Variants in RTN1 observed in about 807,000 individuals in gnomAD.
RTN1 encodes reticulon 1.
Under a neutral mutation model 65.5 loss-of-function variants are expected in RTN1, and 25 were observed. The observed-to-expected ratio is 0.38, with a 90% CI of 0.28 to 0.53. The LOEUF (loss-of-function observed/expected upper bound fraction) is 0.53, where lower values mean the gene tolerates loss of function less well. Among genes scored for constraint, RTN1 ranks in the 20% least tolerant of loss-of-function variants. The pLI is 0.79. For missense variants in RTN1, 983 were observed against 1,025.4 expected, an observed-to-expected ratio of 0.96 and a Z score of 0.57; for synonymous variants, 471 against 447.6, an observed-to-expected ratio of 1.05 and a Z score of -0.66.
intron 3 of RTN1, among the ~76,000 whole-genome samples, chr14:59,673,770 C>G (rs923381490): frequency 6.6e-6 from 1 of 152,140 alleles, no homozygotes; most frequent in Non-Finnish European, 1.5e-5. Flanking sequence ...ACTGGCAGCT[C>G]TGTTTTTAGG....
chr14:59,734,553 G>C (rs1400584402), intron 2 of RTN1, among the ~76,000 whole-genome samples: 1 of 152,160 alleles, frequency 6.6e-6, no homozygotes, highest in East Asian at 1.9e-4. Context: ...CAACCAGCTA[G>C]AGCTGAAAAA....
At chr14:59,670,258 T>A (rs1447307544) in intron 3 of RTN1, among the ~76,000 whole-genome samples, 3 of 152,146 alleles carry the variant, frequency 2.0e-5, no homozygotes, top group Admixed American at 6.5e-5. Flanking sequence ...AAAATAATGA[T>A]CTCATTAAAC....
chr14:59,626,339 T>C (rs1882399235), intron 3 of RTN1, among the ~76,000 whole-genome samples: 1 of 152,224 alleles, frequency 6.6e-6, no homozygotes, highest in Admixed American at 6.5e-5. Context: ...TTATGCTCTC[T>C]GGAAAGTGTT....
intron 3 of RTN1, among the ~76,000 whole-genome samples, chr14:59,686,516 T>G (rs1340380439): frequency 6.6e-6 from 1 of 152,230 alleles, no homozygotes; most frequent in African/African-American, 2.4e-5. Flanking sequence ...AGCAAGATAC[T>G]GCATTAAGAC....
At chr14:59,749,128 A>C (rs373201860) in intron 1 of RTN1, among the ~76,000 whole-genome samples, 6,753 of 36,616 alleles carry the variant, frequency 0.18, 1,234 homozygotes, top group African/African-American at 0.46. Flanking sequence ...ATATATAGAT[A>C]TATCTATATC....
chr14:59,710,458 C>T (rs926464357), intron 3 of RTN1, among the ~76,000 whole-genome samples: 6 of 152,240 alleles, frequency 3.9e-5, no homozygotes, highest in Admixed American at 3.9e-4. Context: ...TTCTGTGAAT[C>T]GATCCTGCTA....
chr14:59,666,188 G>T lies in RTN1; in HGVS notation c.1766-58696C>A, dbSNP rs578159481. Among the ~76,000 whole-genome samples the T allele has an allele frequency of 3.9e-5, 6 of 152,202 alleles. No individual in the cohort carries two copies. In the South Asian group the frequency reaches 1.2e-3, roughly 32 times the overall value. Reference sequence around the variant, plus strand: ...TATTCTAAAATTGACCACATAATTGGAAGTAATGCACTCCTCAGCAAATGT... The same window carrying T: ...TATTCTAAAATTGACCACATAATTGTAAGTAATGCACTCCTCAGCAAATGT... On this transcript the variant is annotated intron_variant, in intron 3 of 8. Coordinates refer to ENST00000267484, the MANE Select transcript of RTN1 (RefSeq NM_021136.3).
At chr14:59,869,313 C>T (rs533241794) in intron 1 of RTN1, among the ~76,000 whole-genome samples, 3 of 151,958 alleles carry the variant, frequency 2.0e-5, no homozygotes, top group Non-Finnish European at 4.4e-5. Flanking sequence ...GAGCACCCCC[C>T]ACCCCAGGCC....
intron 1 of RTN1, among the ~76,000 whole-genome samples, chr14:59,757,048 C>T (rs1399276314): frequency 6.6e-6 from 1 of 152,132 alleles, no homozygotes; most frequent in Non-Finnish European, 1.5e-5. Flanking sequence ...AAGTTCACAG[C>T]AAAATTGCAA....
intron 3 of RTN1, among the ~76,000 whole-genome samples, chr14:59,634,523 A>G (rs2140187496): frequency 6.6e-6 from 1 of 152,300 alleles, no homozygotes; most frequent in Non-Finnish European, 1.5e-5. Context: ...TGTGGTATAC[A>G]TTTAGTTGTT....
At position 59,766,301 on chromosome 14, in the gene RTN1, T is replaced by C. The variant is rs565568717; in HGVS notation, c.242-19820A>G. ...AACACAAGGTAGTTTTCGAAATAAA[T>C]GCTTACTGAAAAGAGCAGCTGGATA... On this transcript the variant is annotated intron_variant, in intron 1 of 8. Transcript: ENST00000267484. This position sits in a 1 kb window ranked among gnomAD's most constrained non-coding sequence, Gnocchi z 4.4. Among the ~76,000 whole-genome samples the C allele has an allele frequency of 6.6e-6, 1 of 152,102 alleles. No homozygotes were observed. The highest frequency in any genetic ancestry group is 1.5e-5 in the Non-Finnish European group (1 of 68,018).
At chr14:59,756,925 G>A (rs1412440440) in intron 1 of RTN1, among the ~76,000 whole-genome samples, 1 of 150,940 alleles carries the variant, frequency 6.6e-6, no homozygotes, top group Non-Finnish European at 1.5e-5. Context: ...CTGGGTTCAA[G>A]CGATTCTCCT....
chr14:59,713,235 G>A (rs778705271), intron 3 of RTN1, among the ~76,000 whole-genome samples: 1 of 152,132 alleles, frequency 6.6e-6, no homozygotes, highest in Non-Finnish European at 1.5e-5. Context: ...AAAACGATAC[G>A]GTGTCTTGAG....
At position 59,727,343 on chromosome 14, in the gene RTN1, T is replaced by C. The variant is rs750139641; in HGVS notation, c.1341A>G (p.Pro447=). 3 of 1,517,384 alleles carry C rather than the reference T, an allele frequency of 2.0e-6. No homozygotes were observed. The highest frequency in any genetic ancestry group is 2.7e-6 in the Non-Finnish European group (3 of 1,131,080). 94.0% of individuals were successfully genotyped at this position (1,517,384 alleles called of 1,614,324 possible). A position where few individuals can be genotyped will look rare whatever the true frequency, so the allele number is the denominator to read the frequency against. ...CCCTCAGGATGCTGTACTGGATGGATGGCGAGGCGGGCGAGGGCGGCGGGC... is the reference window on the plus strand; with the variant it reads ...CCCTCAGGATGCTGTACTGGATGGACGGCGAGGCGGGCGAGGGCGGCGGGC... The part of the protein sequence containing the change: ...VGGPPPSPAS[P]SIQYSILREE... Residue 447 remains proline (P), a synonymous_variant, in exon 3 of 9, where the codon CCA becomes CCG. Coordinates refer to ENST00000267484, the MANE Select transcript of RTN1 (RefSeq NM_021136.3). This position sits in a 1 kb window ranked among gnomAD's most constrained non-coding sequence, Gnocchi z 4.2.
At position 59,727,359 on chromosome 14, in the gene RTN1, G is replaced by A; in HGVS notation, c.1325C>T (p.Pro442Leu). ...VSFGHVGGPP[P>L]SPASPSIQYS... ...CTGGATGGATGGCGAGGCGGGCGAG[G>A]GCGGCGGGCCGCCCACGTGGCCAAA... The change falls in exon 3 of 9, where the codon CCC (proline) becomes CTC (leucine). Residue 442 changes from proline to leucine, a missense_variant. By Grantham distance (98) the Pro-to-Leu change is moderately conservative (BLOSUM62 -3). Transcript: ENST00000267484. This position sits in a 1 kb window ranked among gnomAD's most constrained non-coding sequence, Gnocchi z 4.2. 2 of 1,510,364 alleles carry A rather than the reference G, an allele frequency of 1.3e-6. No homozygotes were observed. The highest frequency in any genetic ancestry group is 1.8e-6 in the Non-Finnish European group (2 of 1,128,610). The allele number at this position is 1,510,364 out of a possible 1,614,324, so 93.6% of individuals were successfully genotyped here.
At chr14:59,638,213 A>C (rs1882706686) in intron 3 of RTN1, among the ~76,000 whole-genome samples, 1 of 152,242 alleles carries the variant, frequency 6.6e-6, no homozygotes, top group Admixed American at 6.5e-5. Flanking sequence ...CATGGGCTGC[A>C]GAATGGATGT....
At chr14:59,667,755 A>AGCAAAGTCTCAGGAT (rs1883411587) in intron 3 of RTN1, among the ~76,000 whole-genome samples, 2 of 152,230 alleles carry the variant, frequency 1.3e-5, no homozygotes, top group Admixed American at 1.3e-4. Context: ...AAGTAACTTC[A>AGCAAAGTCTCAGGAT]GCAAAGTCTC....
intron 3 of RTN1, among the ~76,000 whole-genome samples, chr14:59,686,245 G>T (rs943844479): frequency 6.6e-6 from 1 of 152,184 alleles, no homozygotes; most frequent in Non-Finnish European, 1.5e-5. Flanking sequence ...AAAGCTCTGT[G>T]ACACTGGCCT....
intron 3 of RTN1, among the ~76,000 whole-genome samples, chr14:59,653,285 G>A (rs1166901603): frequency 1.3e-5 from 2 of 152,164 alleles, no homozygotes; most frequent in Non-Finnish European, 2.9e-5. Context: ...GACAAATGCT[G>A]TCAACCAAGA....
Sources: gnomAD v4.1 joint callset for allele counts (sites outside exome capture counted in the v4.1 genomes callset) on GRCh38, gnomAD v4.1.1 for gene constraint, Gnocchi (gnomAD v3.1) non-coding constraint, MANE v1.5 for transcripts, NCBI Gene and HGNC (gene_info 2026-07-23, HGNC 2026-07-21) for gene names.